Variants in AKT3 observed in about 807,000 individuals in gnomAD.
AKT3 encodes RAC-gamma serine/threonine-protein kinase.
A neutral mutation model predicts 65.3 loss-of-function variants in AKT3; 15 were observed. The ratio of observed to expected loss-of-function variants is 0.23; its 90% CI spans 0.15 to 0.35. The LOEUF (loss-of-function observed/expected upper bound fraction) is 0.35. Ranked by LOEUF, AKT3 falls within the 10% of genes least tolerant of loss-of-function variation. The pLI, the probability that AKT3 is intolerant of heterozygous loss-of-function variation, is 1.00. For synonymous variants in AKT3, 206 were observed against 183.8 expected (o/e 1.12, Z -0.98); for missense variants, 243 against 576.5 (o/e 0.42, Z 5.92).
At chr1:243,648,266 A>AG in intron 4 of AKT3, among the ~76,000 whole-genome samples, 1 of 152,042 alleles carries the variant, frequency 6.6e-6, no homozygotes, top group South Asian at 2.1e-4. Flanking sequence ...TAAAAAAAAA[A>AG]AAAAGAAAAG....
intron 6 of AKT3, among the ~76,000 whole-genome samples, chr1:243,628,596 C>T (rs1299489042): frequency 6.6e-6 from 1 of 152,166 alleles, no homozygotes. Flanking sequence ...TGAGTCATCA[C>T]GCTTGGCCTC....
intron 5 of AKT3, among the ~76,000 whole-genome samples, chr1:243,642,796 T>C (rs1164172687): frequency 6.6e-6 from 1 of 152,170 alleles, no homozygotes; most frequent in African/African-American, 2.4e-5. Context: ...AATAAATGTG[T>C]TCAAATCAGG....
At chr1:243,627,031 G>A (rs320315) in intron 6 of AKT3, among the ~76,000 whole-genome samples, 7,152 of 152,252 alleles carry the variant, frequency 0.047, 564 homozygotes, top group African/African-American at 0.16. Context: ...TTAATGACAT[G>A]TTCGACACTG....
intron 8 of AKT3, among the ~76,000 whole-genome samples, chr1:243,591,654 A>G (rs1676235963): frequency 1.3e-5 from 2 of 152,206 alleles, no homozygotes; most frequent in Admixed American, 6.5e-5. Context: ...TTGAAAATAT[A>G]AAAAATAGCT....
chr1:243,685,792 A>G (rs1258752506), intron 3 of AKT3, among the ~76,000 whole-genome samples: 1 of 152,174 alleles, frequency 6.6e-6, no homozygotes, highest in Non-Finnish European at 1.5e-5. Flanking sequence ...AGGGGATTCA[A>G]ATAGGAAGAG....
chr1:243,752,158 A>G (rs1688846249), intron 2 of AKT3, among the ~76,000 whole-genome samples: 1 of 152,210 alleles, frequency 6.6e-6, no homozygotes, highest in Non-Finnish European at 1.5e-5. Flanking sequence ...TCATTAAATG[A>G]GAGAACATTT....
chr1:243,563,435 T>G (rs1673930904), intron 10 of AKT3, among the ~76,000 whole-genome samples: 1 of 152,146 alleles, frequency 6.6e-6, no homozygotes, highest in Non-Finnish European at 1.5e-5. Flanking sequence ...AATAAATGAA[T>G]CAAAATGGGT....
intron 2 of AKT3, among the ~76,000 whole-genome samples, chr1:243,782,176 G>C (rs2148311570): frequency 6.6e-6 from 1 of 152,100 alleles, no homozygotes; most frequent in African/African-American, 2.4e-5. Context: ...CAAACATGAA[G>C]AACAAAAAGG....
In AKT3 at chr1:243,757,573, G is replaced by A. The variant is rs191256904; in HGVS notation, c.47-61857C>T. Among the ~76,000 whole-genome samples, 706 of 152,136 alleles carry A rather than the reference G, an allele frequency of 4.6e-3. 1 individual carries two copies. Among genetic ancestry groups the A allele is most frequent in the African/African-American group, 0.016 (659 of 41,508 alleles). The stretch of plus-strand genomic sequence containing the variant: ...GCGGAGGCTGCAGTGAGCCAAGATC[G>A]TGCCACTGCACTCCAGCCCAGGCAG... On this transcript the variant is annotated intron_variant, in intron 2 of 13. Coordinates refer to ENST00000673466, the MANE Select transcript of AKT3 (RefSeq NM_005465.7).
In AKT3 at chr1:243,826,244, G is replaced by A. The variant is rs576170156; in HGVS notation, c.46+16881C>T. 2.0e-5 allele frequency among the ~76,000 whole-genome samples: 3 copies of A among 152,284 alleles called. No individual in the cohort carries two copies. In the South Asian group the frequency reaches 6.2e-4, roughly 32 times the overall value. On this transcript the variant is annotated intron_variant, in intron 2 of 13. Coordinates refer to ENST00000673466, the MANE Select transcript of AKT3 (RefSeq NM_005465.7). ...AGTAAATTTTAGAGAATGTTGGTATGTCAAATTTTCAATCTGACCTCTAGA... is the reference window on the plus strand; with the variant it reads ...AGTAAATTTTAGAGAATGTTGGTATATCAAATTTTCAATCTGACCTCTAGA...
intron 2 of AKT3, among the ~76,000 whole-genome samples, chr1:243,744,000 C>T (rs1350942020): frequency 6.6e-6 from 1 of 152,192 alleles, no homozygotes; most frequent in Non-Finnish European, 1.5e-5. Flanking sequence ...AGCCCCACTT[C>T]TAGGTACATA....
intron 3 of AKT3, chr1:243,687,803 G>A (rs1684427922): frequency 6.6e-6 from 1 of 152,038 alleles, no homozygotes; most frequent in Non-Finnish European, 1.5e-5. Flanking sequence ...TTTTTACAAA[G>A]GTTTTCTCCA....
chr1:243,718,123 C>T (rs1466122301), intron 2 of AKT3, among the ~76,000 whole-genome samples: 1 of 152,114 alleles, frequency 6.6e-6, no homozygotes, highest in African/African-American at 2.4e-5. Context: ...GCAATTGCTC[C>T]TAAAACACCA....
chr1:243,578,229 T>G (rs1254393907), intron 8 of AKT3, among the ~76,000 whole-genome samples: 1 of 152,150 alleles, frequency 6.6e-6, no homozygotes, highest in Non-Finnish European at 1.5e-5. Context: ...CAAAGATACG[T>G]GCATGCATAT....
intron 9 of AKT3, among the ~76,000 whole-genome samples, 172 bp from the exon 10 acceptor site, chr1:243,564,020 A>G (rs1024604777): frequency 4.6e-5 from 7 of 152,216 alleles, no homozygotes; most frequent in African/African-American, 1.7e-4. Context: ...AAAAAGAAAC[A>G]TGTTTTATCA....
chr1:243,805,299 C>A (rs1313540382), intron 2 of AKT3, among the ~76,000 whole-genome samples: 1 of 152,132 alleles, frequency 6.6e-6, no homozygotes, highest in Non-Finnish European at 1.5e-5. Flanking sequence ...AGATTAACCC[C>A]ATCACCTATG....
At chr1:243,728,450 C>T (rs1344434490) in intron 2 of AKT3, among the ~76,000 whole-genome samples, 2 of 152,162 alleles carry the variant, frequency 1.3e-5, no homozygotes, top group African/African-American at 4.8e-5. Context: ...TGATACTATG[C>T]CAGCTGTAAG....
intron 2 of AKT3, among the ~76,000 whole-genome samples, chr1:243,799,227 T>G (rs1180550883): frequency 2.0e-5 from 3 of 152,084 alleles, no homozygotes; most frequent in Admixed American, 2.0e-4. Flanking sequence ...TGGGGAAAAA[T>G]GCAGGAAACA....
intron 2 of AKT3, among the ~76,000 whole-genome samples, chr1:243,745,611 C>T (rs916823939): frequency 6.6e-6 from 1 of 152,176 alleles, no homozygotes; most frequent in African/African-American, 2.4e-5. Flanking sequence ...CAACCTGTGA[C>T]CCTCAGGCCA....
Sources: gnomAD v4.1 joint callset for allele counts (sites outside exome capture counted in the v4.1 genomes callset) on GRCh38, gnomAD v4.1.1 for gene constraint, MANE v1.5 for transcripts, NCBI Gene and HGNC (gene_info 2026-07-23, HGNC 2026-07-21) for gene names.